NTAQ1: variants seen among roughly 807,000 people sequenced by gnomAD.
NTAQ1 encodes N-terminal glutamine amidase 1.
In NTAQ1, 21 loss-of-function variants were observed where a neutral mutation model predicts 28.2. That is an observed-to-expected ratio of 0.74 (90% CI 0.53 to 1.07). The LOEUF is 1.07. Among genes scored for constraint, NTAQ1 ranks in the 50% least tolerant of loss-of-function variants. The pLI, the probability that NTAQ1 is intolerant of heterozygous loss-of-function variation, is 0.00. For synonymous variants in NTAQ1, 105 were observed against 90.0 expected, an observed-to-expected ratio of 1.17 and a Z score of -0.94; for missense variants, 264 against 256.6, an observed-to-expected ratio of 1.03 and a Z score of -0.20.
At chr8:123,418,761 G>C (rs910742253) in intron 1 of NTAQ1, among the ~76,000 whole-genome samples, 2 of 152,180 alleles carry the variant, frequency 1.3e-5, no homozygotes, top group Admixed American at 1.3e-4. Context: ...GAGCAGTCTT[G>C]TAGAAGAATG....
intron 1 of NTAQ1, among the ~76,000 whole-genome samples, chr8:123,423,979 T>A (rs1563882612): frequency 6.6e-6 from 1 of 151,694 alleles, no homozygotes; most frequent in Non-Finnish European, 1.5e-5. Context: ...GCCTCTCGGG[T>A]TCAAGTGAGT....
chr8:123,417,550 C>T (rs1449647428), intron 1 of NTAQ1, among the ~76,000 whole-genome samples: 2 of 152,054 alleles, frequency 1.3e-5, no homozygotes, highest in East Asian at 3.9e-4. Context: ...CCCCGGAATC[C>T]ACGCAGTGCA....
At chr8:123,459,411 C>T (rs1044079204) in intron 6 of NTAQ1, among the ~76,000 whole-genome samples, 1 of 152,092 alleles carries the variant, frequency 6.6e-6, no homozygotes, top group African/African-American at 2.4e-5. Flanking sequence ...TTCAGTACTT[C>T]GGCTTCATCA....
chr8:123,423,942 G>A (rs1006662442), intron 1 of NTAQ1, among the ~76,000 whole-genome samples: 4 of 150,738 alleles, frequency 2.7e-5, no homozygotes, highest in African/African-American at 9.8e-5. Flanking sequence ...AGGAGCAGTC[G>A]TGCAATCTTG....
rs1198622603 is a variant in NTAQ1 at position 123,439,634 on chromosome 8, C to T, written c.509-1672C>T. On this transcript the variant is annotated intron_variant, in intron 5 of 5. Transcript: ENST00000287387. ...GTGCTGGGATTACAGGCGTGAGCCA[C>T]CGCGCCGGCCACACCTGGTTAGTTT... Among the ~76,000 whole-genome samples the T allele has an allele frequency of 1.3e-5, 2 of 152,072 alleles. 1 individual carries two copies. Among genetic ancestry groups the T allele is most frequent in the Non-Finnish European group, 2.9e-5 (2 of 68,008 alleles).
chr8:123,445,540 G>T (rs35470243), downstream of NTAQ1, among the ~76,000 whole-genome samples: 54,902 of 151,600 alleles, frequency 0.36, 10,022 homozygotes, highest in East Asian at 0.56. Flanking sequence ...CAAAAAAAAT[G>T]CTACAATAAA....
At chr8:123,435,522 A>G (rs546909331) in intron 3 of NTAQ1, 8 of 985,328 alleles carry the variant, frequency 8.1e-6, no homozygotes, top group African/African-American at 5.2e-5. Flanking sequence ...CATGCATGCA[A>G]ATGTACTTCT....
intron 1 of NTAQ1, among the ~76,000 whole-genome samples, chr8:123,419,126 T>A (rs1481927169): frequency 8.8e-6 from 1 of 113,728 alleles, no homozygotes; most frequent in African/African-American, 3.3e-5. Flanking sequence ...TGAGACAGAG[T>A]CTCAGTCTGT....
chr8:123,465,572 A>ATT (rs1234684373), intron 6 of NTAQ1, among the ~76,000 whole-genome samples: 2 of 95,230 alleles, frequency 2.1e-5, no homozygotes, highest in Admixed American at 1.5e-4. Flanking sequence ...TCAGCATAAC[A>ATT]TCTTTTTTTT....
At chr8:123,423,622 TC>T (rs1813863023) in intron 1 of NTAQ1, among the ~76,000 whole-genome samples, 1 of 152,050 alleles carries the variant, frequency 6.6e-6, no homozygotes, top group Non-Finnish European at 1.5e-5. Context: ...GAGTATAAGA[TC>T]ATCTCCCCCT....
chr8:123,418,517 G>T (rs1563878139), intron 1 of NTAQ1, among the ~76,000 whole-genome samples: 1 of 151,864 alleles, frequency 6.6e-6, no homozygotes, highest in Non-Finnish European at 1.5e-5. Context: ...AATACTATGA[G>T]AAAAATAAGA....
chr8:123,449,784 G>A (rs1240608023), downstream of NTAQ1, among the ~76,000 whole-genome samples: 2 of 149,824 alleles, frequency 1.3e-5, no homozygotes, highest in Non-Finnish European at 3.0e-5. Flanking sequence ...TGTGGTAGGC[G>A]GAGGTTGTAG....
At chr8:123,438,110 C>T (rs1451867129) in intron 5 of NTAQ1, 1 of 697,308 alleles carries the variant, frequency 1.4e-6, no homozygotes. Context: ...TATTGTACCA[C>T]TTGTCTCATT....
downstream of NTAQ1, among the ~76,000 whole-genome samples, chr8:123,442,503 C>T (rs1327180717): frequency 3.2e-4 from 47 of 148,678 alleles, no homozygotes; most frequent in African/African-American, 1.1e-3. Flanking sequence ...GAGGCTGAGG[C>T]AGAATTGCTT....
In NTAQ1 at chr8:123,435,938, C is replaced by T. The variant is rs542629871; in HGVS notation, c.235-515C>T. ...ATCCTAGCACTTTTGGAGACTGAGG[C>T]GGGTGGATCGCCTGAGGTCAGGGGT... On this transcript the variant is annotated intron_variant, in intron 3 of 5. Transcript: ENST00000287387. 6.1e-4 allele frequency among the ~76,000 whole-genome samples: 92 copies of T among 151,824 alleles called. 2 individuals are homozygous for T. In the South Asian group the frequency reaches 0.018, roughly 30 times the overall value.
chr8:123,435,261 G>C (rs1341694186), intron 3 of NTAQ1, among the ~76,000 whole-genome samples: 2 of 152,132 alleles, frequency 1.3e-5, no homozygotes, highest in Non-Finnish European at 2.9e-5. Flanking sequence ...TGAGAGTGAG[G>C]GTGAGAATTA....
chr8:123,421,075 G>A (rs920642069), intron 1 of NTAQ1, among the ~76,000 whole-genome samples: 4 of 97,032 alleles, frequency 4.1e-5, no homozygotes, highest in Admixed American at 1.2e-4. Context: ...ATGAGCTGCC[G>A]TACCCGGCCT....
chr8:123,453,285 G>A (rs1367718392), intron 6 of NTAQ1, among the ~76,000 whole-genome samples: 1 of 152,156 alleles, frequency 6.6e-6, no homozygotes, highest in Admixed American at 6.5e-5. Flanking sequence ...GTGACATACT[G>A]TGTGACCTTG....
chr8:123,458,756 G>T (rs866087619), intron 6 of NTAQ1, among the ~76,000 whole-genome samples: 19 of 151,794 alleles, frequency 1.3e-4, no homozygotes, highest in African/African-American at 4.6e-4. Context: ...GAGTAGCTGG[G>T]ACTACAGGCG....
Sources: allele counts gnomAD v4.1 joint callset (sites outside exome capture counted in the v4.1 genomes callset), GRCh38; gene constraint gnomAD v4.1.1; transcripts MANE v1.5; gene names NCBI Gene and HGNC (gene_info 2026-07-23, HGNC 2026-07-21).